NOX4: variants seen among roughly 807,000 people sequenced by gnomAD.
NOX4 encodes kidney oxidase-1.
In NOX4, 69 loss-of-function variants were observed where a neutral mutation model predicts 87.6. The observed-to-expected ratio is 0.79, with a 90% CI of 0.65 to 0.96. The LOEUF (loss-of-function observed/expected upper bound fraction) is 0.96, where lower values mean the gene tolerates loss of function less well. Ranked by LOEUF, NOX4 falls within the 40% of genes least tolerant of loss-of-function variation. The pLI is 0.00. For synonymous variants in NOX4, 275 were observed against 238.2 expected (o/e 1.15, Z -1.42); for missense variants, 680 against 681.5 (o/e 1.00, Z 0.02).
At chr11:89,462,057 T>C (rs1206672011) in intron 2 of NOX4, among the ~76,000 whole-genome samples, 1 of 152,066 alleles carries the variant, frequency 6.6e-6, no homozygotes, top group Non-Finnish European at 1.5e-5. Flanking sequence ...GAAAGAAAGC[T>C]AGCTAACTGC....
At chr11:89,509,257 T>C in the NOX4 span, among the ~76,000 whole-genome samples, 1 of 130,478 alleles carries the variant, frequency 7.7e-6, no homozygotes, top group South Asian at 2.4e-4. Context: ...TATAATAGTG[T>C]CTCTTAGACA....
chr11:89,356,320 A>G (rs78675764), intron 12 of NOX4, among the ~76,000 whole-genome samples: 11,583 of 152,030 alleles, frequency 0.076, 808 homozygotes, highest in African/African-American at 0.18. Flanking sequence ...GAAAAGACCA[A>G]TAATGACTGC....
the NOX4 span, chr11:89,577,530 G>T: frequency 6.6e-6 from 1 of 152,068 alleles, no homozygotes; most frequent in Non-Finnish European, 1.5e-5. Flanking sequence ...AAATAACCCA[G>T]AAAGATAAGA....
rs533558224 is a variant in NOX4 at position 89,419,203 on chromosome 11, C to T, written c.629+2699G>A. On this transcript the variant is annotated intron_variant, in intron 8 of 17. Coordinates refer to ENST00000263317, the MANE Select transcript of NOX4 (RefSeq NM_016931.5). The stretch of plus-strand genomic sequence containing the variant: ...ACATTGATGGACAGAGAAGCTAATG[C>T]TAAGCAAATAGTGATTTTCTGTTCA... 1.8e-3 allele frequency among the ~76,000 whole-genome samples: 272 copies of T among 152,090 alleles called. 1 individual carries two copies. The highest frequency in any genetic ancestry group is 4.0e-3 in the Admixed American group (61 of 15,246).
intron 17 of NOX4, among the ~76,000 whole-genome samples, chr11:89,329,375 A>AAAAAAAAAAAAAAAAG (rs1945365476): frequency 7.0e-6 from 1 of 143,338 alleles, no homozygotes; most frequent in African/African-American, 2.7e-5. Context: ...AAAAAAAAAA[A>AAAAAAAAAAAAAAAAG]GAACAGAGCA....
At position 89,342,161 on chromosome 11, in the gene NOX4, A is replaced by G. The variant is rs369580808; in HGVS notation, c.1250T>C (p.Phe417Ser). Residue 417 changes from phenylalanine to serine, a missense_variant, in exon 14 of 18, where the codon TTT becomes TCT. Transcript: ENST00000263317. ...GACCTCATAGTTCAGTGATTCCTCA[A>G]ATGGACTTCCAAAAGGACCATCAAT... ...LYIDGPFGSP[F>S]EESLNYEVSL... The G allele has an allele frequency of 1.9e-6, 3 of 1,613,240 alleles. No homozygotes were observed. The highest frequency in any genetic ancestry group is 2.5e-6 in the Non-Finnish European group (3 of 1,179,406).
At chr11:89,504,545 G>A in the NOX4 span, among the ~76,000 whole-genome samples, 1 of 151,896 alleles carries the variant, frequency 6.6e-6, no homozygotes, top group Non-Finnish European at 1.5e-5. Context: ...AGTTGTTATA[G>A]TTACAATGGA....
At chr11:89,441,632 A>G (rs1295752480) in intron 5 of NOX4, among the ~76,000 whole-genome samples, 4 of 152,202 alleles carry the variant, frequency 2.6e-5, no homozygotes, top group Non-Finnish European at 5.9e-5. Context: ...AAAACTGAAT[A>G]TATAAACAAC....
the NOX4 span, among the ~76,000 whole-genome samples, chr11:89,581,805 C>G: frequency 6.6e-6 from 1 of 152,138 alleles, no homozygotes; most frequent in African/African-American, 2.4e-5. Context: ...TGACCACAAT[C>G]TATGCCATAA....
At chr11:89,433,487 A>C (rs1394291617) in intron 6 of NOX4, among the ~76,000 whole-genome samples, 2 of 152,020 alleles carry the variant, frequency 1.3e-5, no homozygotes. Flanking sequence ...ATAGTACTAA[A>C]TCTCCCTCAT....
At chr11:89,488,564 T>A (rs1050781631) in intron 2 of NOX4, among the ~76,000 whole-genome samples, 4 of 152,206 alleles carry the variant, frequency 2.6e-5, no homozygotes, top group Admixed American at 2.0e-4. Flanking sequence ...AAATAAGATG[T>A]TATTTTAGCT....
intron 11 of NOX4, among the ~76,000 whole-genome samples, chr11:89,393,445 A>T (rs1243106805): frequency 6.6e-6 from 1 of 152,034 alleles, no homozygotes; most frequent in Non-Finnish European, 1.5e-5. Flanking sequence ...AAGGAAAAAA[A>T]AAATCAAATC....
At chr11:89,474,317 T>TC (rs1438062450) in intron 2 of NOX4, among the ~76,000 whole-genome samples, 1 of 152,050 alleles carries the variant, frequency 6.6e-6, no homozygotes, top group East Asian at 1.9e-4. Flanking sequence ...ATCTTTTTTT[T>TC]CTCTAAAAAC....
intron 12 of NOX4, among the ~76,000 whole-genome samples, chr11:89,363,550 A>G (rs1296131060): frequency 6.6e-6 from 1 of 152,110 alleles, no homozygotes; most frequent in Non-Finnish European, 1.5e-5. Flanking sequence ...TTTAGAATGT[A>G]ATTACAAAAT....
chr11:89,459,003 A>G (rs930839373), intron 2 of NOX4, among the ~76,000 whole-genome samples: 2 of 152,166 alleles, frequency 1.3e-5, no homozygotes, highest in Admixed American at 1.3e-4. Flanking sequence ...ACACATGCAC[A>G]CATACATTCA....
chr11:89,564,862 C>A, the NOX4 span, among the ~76,000 whole-genome samples: 4 of 151,830 alleles, frequency 2.6e-5, no homozygotes, highest in South Asian at 2.1e-4. Context: ...TCATCTAGAA[C>A]CAGATCTTAC....
the NOX4 span, among the ~76,000 whole-genome samples, chr11:89,544,977 G>T: frequency 2.0e-5 from 3 of 152,076 alleles, no homozygotes; most frequent in South Asian, 2.1e-4. Context: ...AAGTCCAGAT[G>T]CTCAGTCTCC....
At chr11:89,381,942 G>C (rs1191590155) in intron 11 of NOX4, among the ~76,000 whole-genome samples, 1 of 151,964 alleles carries the variant, frequency 6.6e-6, no homozygotes, top group African/African-American at 2.4e-5. Flanking sequence ...TCCTTTTCTG[G>C]TAGAGACAGA....
intron 17 of NOX4, among the ~76,000 whole-genome samples, chr11:89,328,397 G>A (rs572338805): frequency 7.9e-5 from 12 of 152,214 alleles, no homozygotes; most frequent in African/African-American, 2.9e-4. Context: ...CACCTTATTT[G>A]CAAGGAGTAG....
Sources: gnomAD v4.1 joint callset for allele counts (sites outside exome capture counted in the v4.1 genomes callset) on GRCh38, gnomAD v4.1.1 for gene constraint, MANE v1.5 for transcripts, NCBI Gene and HGNC (gene_info 2026-07-23, HGNC 2026-07-21) for gene names.